The following SERGEF variants were observed in gnomAD, a reference collection of about 807,000 sequenced individuals.
SERGEF encodes secretion-regulating guanine nucleotide exchange factor.
Under a neutral mutation model 50.0 loss-of-function variants are expected in SERGEF, and 51 were observed. That is an observed-to-expected ratio of 1.02 (90% confidence interval 0.81 to 1.29). SERGEF has a LOEUF of 1.29. Among genes scored for constraint, SERGEF ranks in the 50% most tolerant of loss-of-function variants. The pLI is 0.00. For missense variants in SERGEF, 521 were observed against 557.0 expected (o/e 0.94, Z 0.65); for synonymous variants, 205 against 212.4 (o/e 0.97, Z 0.30).
chr11:17,962,536 T>C (rs541989074), intron 8 of SERGEF, among the ~76,000 whole-genome samples: 43 of 152,220 alleles, frequency 2.8e-4, no homozygotes, highest in Non-Finnish European at 3.7e-4. Context: ...CCAAAAAGTA[T>C]AGGTATGTGT....
chr11:17,880,145 C>CA (rs1337419601), intron 9 of SERGEF, among the ~76,000 whole-genome samples: 2 of 152,194 alleles, frequency 1.3e-5, no homozygotes, highest in Non-Finnish European at 2.9e-5. Context: ...AAGGGTTACC[C>CA]ACACTTAAGT....
At chr11:17,920,702 G>T (rs1457710930) in intron 9 of SERGEF, among the ~76,000 whole-genome samples, 2 of 152,236 alleles carry the variant, frequency 1.3e-5, no homozygotes, top group Non-Finnish European at 2.9e-5. Context: ...GGAGGCCAGT[G>T]ATGTGAGATT....
In SERGEF at chr11:17,937,125, TATAG is replaced by T. The variant is rs745413103; in HGVS notation, c.1011+22341_1011+22344del. Among the ~76,000 whole-genome samples the T allele has an allele frequency of 2.4e-4, 37 of 152,172 alleles. 1 individual carries two copies. Among genetic ancestry groups the T allele is most frequent in the South Asian group, 1.0e-3 (5 of 4,826 alleles). Reference sequence around the variant, plus strand: ...ATAGTTACTTTATAATATTTAATAATATAGATAAATGTTCCTAATATAATTGTAG... The same window carrying T: ...ATAGTTACTTTATAATATTTAATAATATAAATGTTCCTAATATAATTGTAG... On this transcript the variant is annotated intron_variant, in intron 9 of 10. Transcript: ENST00000265965.
intron 10 of SERGEF, chr11:17,863,514 C>T (rs563462175): frequency 6.6e-6 from 1 of 152,338 alleles, no homozygotes; most frequent in Non-Finnish European, 1.5e-5. Context: ...TACCCTTCCT[C>T]CACTGAGGAG....
At chr11:17,962,406 A>G (rs61884492) in intron 8 of SERGEF, among the ~76,000 whole-genome samples, 17,363 of 152,292 alleles carry the variant, frequency 0.11, 1,299 homozygotes, top group Middle Eastern at 0.22. Flanking sequence ...GAATGTCTGC[A>G]TCAAGCTGAT....
intron 10 of SERGEF, among the ~76,000 whole-genome samples, chr11:17,828,581 C>G (rs1370228852): frequency 1.3e-5 from 2 of 152,066 alleles, no homozygotes; most frequent in Non-Finnish European, 2.9e-5. Context: ...GCTATTTTTT[C>G]CTCTTTGGGA....
Position 17,815,846 on chromosome 11 carries a change from C to T in SERGEF, c.1049-27433G>A, listed in dbSNP as rs556874480. On this transcript the variant is annotated intron_variant, in intron 10 of 10. Transcript: ENST00000265965. The stretch of plus-strand genomic sequence containing the variant: ...CTGAGGCAGGAGAATCGCTTGAACC[C>T]AGGAGGCAGAGGTTGCAGTGATCCC... Among the ~76,000 whole-genome samples, 55 of 152,192 alleles carry T rather than the reference C, an allele frequency of 3.6e-4. 1 individual carries two copies. Among genetic ancestry groups the T allele is most frequent in the Admixed American group, 1.2e-3 (19 of 15,290 alleles).
intron 10 of SERGEF, among the ~76,000 whole-genome samples, chr11:17,853,255 T>C (rs1850746254): frequency 6.6e-6 from 1 of 152,198 alleles, no homozygotes; most frequent in Admixed American, 6.5e-5. Context: ...TCAGTAAGTG[T>C]TAGCTGTCAC....
intron 9 of SERGEF, among the ~76,000 whole-genome samples, chr11:17,898,757 CA>C (rs1315584468): frequency 5.9e-5 from 9 of 152,124 alleles, no homozygotes; most frequent in African/African-American, 2.2e-4. Context: ...TATGAGCAAA[CA>C]AAACATTTTT....
intron 1 of SERGEF, among the ~76,000 whole-genome samples, chr11:18,011,715 GA>G (rs1404633058): frequency 1.3e-5 from 2 of 152,126 alleles, no homozygotes; most frequent in Non-Finnish European, 2.9e-5. Context: ...TGTCTGTACT[GA>G]AACAATATTT....
intron 9 of SERGEF, among the ~76,000 whole-genome samples, chr11:17,890,641 A>C (rs1351219588): frequency 6.6e-6 from 1 of 152,140 alleles, no homozygotes; most frequent in Non-Finnish European, 1.5e-5. Context: ...GACTGGTCTC[A>C]AACCCCTGGG....
intron 8 of SERGEF, among the ~76,000 whole-genome samples, chr11:17,980,451 TG>T (rs1430305192): frequency 1.3e-5 from 2 of 152,110 alleles, no homozygotes; most frequent in Non-Finnish European, 2.9e-5. Flanking sequence ...GAGGGGTAAG[TG>T]ATCTTATTAA....
intron 9 of SERGEF, among the ~76,000 whole-genome samples, chr11:17,889,704 C>T (rs762094969): frequency 1.2e-4 from 18 of 152,046 alleles, no homozygotes; most frequent in Non-Finnish European, 1.8e-4. Flanking sequence ...ATTCTATCAA[C>T]GTTAAATTGT....
chr11:17,894,173 T>TCATCAAACCCCTCCACACAG (rs1851582361), intron 9 of SERGEF, among the ~76,000 whole-genome samples: 6 of 152,026 alleles, frequency 3.9e-5, no homozygotes, highest in Admixed American at 2.0e-4. Context: ...CACTCCTACC[T>TCATCAAACCCCTCCACACAG]CATCAAACCC....
chr11:17,885,270 G>A (rs1036404145), intron 9 of SERGEF, among the ~76,000 whole-genome samples: 1 of 152,174 alleles, frequency 6.6e-6, no homozygotes, highest in African/African-American at 2.4e-5. Flanking sequence ...TCAGCCTGGA[G>A]TCTTAGCAAC....
intron 9 of SERGEF, among the ~76,000 whole-genome samples, chr11:17,910,426 T>A (rs758341554): frequency 7.2e-4 from 81 of 112,152 alleles, no homozygotes; most frequent in Admixed American, 1.1e-3. Context: ...TTAAAAAAAA[T>A]TTTTTTATAG....
At chr11:17,819,931 C>G (rs1850046097) in intron 10 of SERGEF, among the ~76,000 whole-genome samples, 1 of 152,178 alleles carries the variant, frequency 6.6e-6, no homozygotes, top group African/African-American at 2.4e-5. Flanking sequence ...CTCAACCTCC[C>G]AGGCTCAAGC....
intron 9 of SERGEF, among the ~76,000 whole-genome samples, chr11:17,912,644 T>C (rs1207542882): frequency 6.6e-6 from 1 of 152,244 alleles, no homozygotes; most frequent in Non-Finnish European, 1.5e-5. Context: ...TCCTATTAAA[T>C]AGATGCTATA....
intron 10 of SERGEF, among the ~76,000 whole-genome samples, chr11:17,868,006 A>G (rs1851064621): frequency 6.6e-6 from 1 of 152,156 alleles, no homozygotes; most frequent in Admixed American, 6.5e-5. Flanking sequence ...GGTCTGTGAT[A>G]AGAGGGGCTG....
Sources: allele counts gnomAD v4.1 joint callset (sites outside exome capture counted in the v4.1 genomes callset), GRCh38; gene constraint gnomAD v4.1.1; transcripts MANE v1.5; gene names NCBI Gene and HGNC (gene_info 2026-07-23, HGNC 2026-07-21).